Variants in GFRA1 observed in about 807,000 individuals in gnomAD.
The protein encoded by GFRA1 is GDNF family receptor alpha 1.
In GFRA1, 16 loss-of-function variants were observed where a neutral mutation model predicts 51.6. The ratio of observed to expected loss-of-function variants is 0.31; its 90% CI spans 0.21 to 0.47. The LOEUF (loss-of-function observed/expected upper bound fraction) is 0.47. Among genes scored for constraint, GFRA1 ranks in the 20% least tolerant of loss-of-function variants. The pLI is 1.00. For missense variants in GFRA1, 530 were observed against 594.3 expected, an observed-to-expected ratio of 0.89 and a Z score of 1.13; for synonymous variants, 270 against 241.3, an observed-to-expected ratio of 1.12 and a Z score of -1.10.
chr10:116,138,650 AC>A (rs1242743137), intron 5 of GFRA1, among the ~76,000 whole-genome samples: 1 of 39,478 alleles, frequency 2.5e-5, no homozygotes, highest in Non-Finnish European at 5.2e-5. Flanking sequence ...CCCCCGACCC[AC>A]CCAACACACA....
intron 4 of GFRA1, among the ~76,000 whole-genome samples, chr10:116,263,866 A>T (rs1969466205): frequency 6.6e-6 from 1 of 152,174 alleles, no homozygotes; most frequent in African/African-American, 2.4e-5. Flanking sequence ...GGACTTGGTG[A>T]TGGGTCAGGC....
intron 9 of GFRA1, among the ~76,000 whole-genome samples, chr10:116,085,953 C>A (rs566257158): frequency 6.6e-6 from 1 of 152,324 alleles, no homozygotes; most frequent in African/African-American, 2.4e-5. Flanking sequence ...TTCTTTCCTT[C>A]TTCCTCACTG....
chr10:116,204,419 C>G (rs1447863687), intron 5 of GFRA1, among the ~76,000 whole-genome samples: 2 of 152,208 alleles, frequency 1.3e-5, no homozygotes, highest in Non-Finnish European at 2.9e-5. Context: ...AAAGGACACC[C>G]TGGTAGCAAT....
At chr10:116,080,853 A>G (rs866797840) in intron 9 of GFRA1, among the ~76,000 whole-genome samples, 29 of 152,346 alleles carry the variant, frequency 1.9e-4, no homozygotes, top group African/African-American at 6.5e-4. Flanking sequence ...CACGTGGTCA[A>G]TGATTCAATC....
chr10:116,088,388 A>G (rs1460064896), intron 9 of GFRA1, among the ~76,000 whole-genome samples: 1 of 152,168 alleles, frequency 6.6e-6, no homozygotes, highest in Admixed American at 6.5e-5. Flanking sequence ...CTTCTCCAGC[A>G]TAGCGGGAGG....
intron 4 of GFRA1, among the ~76,000 whole-genome samples, chr10:116,260,075 G>C (rs780653475): frequency 1.3e-5 from 2 of 152,202 alleles, no homozygotes; most frequent in East Asian, 1.9e-4. Context: ...GTTCCAAAGG[G>C]AACTGCAGTT....
At chr10:116,182,032 CAT>C (rs1362349061) in intron 5 of GFRA1, among the ~76,000 whole-genome samples, 1 of 146,230 alleles carries the variant, frequency 6.8e-6, no homozygotes, top group African/African-American at 2.5e-5. Flanking sequence ...AAGATGGGCA[CAT>C]GAGTATCTTG....
chr10:116,172,941 C>T (rs1023412066), intron 5 of GFRA1, among the ~76,000 whole-genome samples: 2 of 152,122 alleles, frequency 1.3e-5, no homozygotes, highest in African/African-American at 4.8e-5. Flanking sequence ...GCTGCAGACA[C>T]CCAGAGGTAT....
intron 9 of GFRA1, 76 bp downstream of exon 9, chr10:116,089,665 A>G: frequency 8.1e-7 from 1 of 1,241,928 alleles, no homozygotes; most frequent in East Asian, 2.3e-5. Flanking sequence ...CATACATTTC[A>G]GAAAATGGGT....
At chr10:116,274,422 G>A (rs1320169491), upstream of GFRA1, among the ~76,000 whole-genome samples, 2 of 152,236 alleles carry the variant, frequency 1.3e-5, no homozygotes, top group African/African-American at 2.4e-5. Context: ...CATTTTGATC[G>A]AGGGGGGTAA....
intron 5 of GFRA1, among the ~76,000 whole-genome samples, chr10:116,191,930 G>A (rs1963302977): frequency 6.6e-6 from 1 of 152,210 alleles, no homozygotes; most frequent in Non-Finnish European, 1.5e-5. Flanking sequence ...TGGAGGCTGA[G>A]ACACGAGAAT....
At chr10:116,243,299 AAG>A (rs1387334068) in intron 4 of GFRA1, among the ~76,000 whole-genome samples, 1 of 152,200 alleles carries the variant, frequency 6.6e-6, no homozygotes, top group East Asian at 1.9e-4. Context: ...ATGCCAAAAA[AAG>A]AGTTATCTTT....
chr10:116,127,845 TG>T (rs1957940437), intron 5 of GFRA1, among the ~76,000 whole-genome samples: 1 of 152,262 alleles, frequency 6.6e-6, no homozygotes, highest in Admixed American at 6.5e-5. Context: ...TATGCATTTT[TG>T]ATGATAATCT....
chr10:116,082,807 C>T (rs953246031), intron 9 of GFRA1, among the ~76,000 whole-genome samples: 3 of 152,152 alleles, frequency 2.0e-5, no homozygotes, highest in Admixed American at 6.5e-5. Flanking sequence ...TAAGAAGACA[C>T]AATACAATCT....
At chr10:116,194,049 AAT>A (rs1963512863) in intron 5 of GFRA1, among the ~76,000 whole-genome samples, 1 of 101,298 alleles carries the variant, frequency 9.9e-6, no homozygotes, top group Non-Finnish European at 1.9e-5. Flanking sequence ...AATAAAAAAA[AAT>A]AAATAAATAA....
intron 5 of GFRA1, among the ~76,000 whole-genome samples, chr10:116,210,075 G>A (rs924371834): frequency 6.6e-6 from 1 of 152,124 alleles, no homozygotes; most frequent in African/African-American, 2.4e-5. Flanking sequence ...CTTTTGCTCT[G>A]CATATCATTG....
intron 4 of GFRA1, among the ~76,000 whole-genome samples, chr10:116,234,058 G>A (rs1333294748): frequency 1.3e-5 from 2 of 152,078 alleles, no homozygotes; most frequent in South Asian, 2.1e-4. Flanking sequence ...TTTGGGAGAC[G>A]GCTGAACTGT....
chr10:116,261,741 A>G (rs2134764037), intron 4 of GFRA1, among the ~76,000 whole-genome samples: 1 of 152,350 alleles, frequency 6.6e-6, no homozygotes. Flanking sequence ...ACTATGTAAG[A>G]TTCAATATAC....
At chr10:116,213,919 A>G (rs1161838651) in intron 4 of GFRA1, among the ~76,000 whole-genome samples, 2 of 152,184 alleles carry the variant, frequency 1.3e-5, no homozygotes. Context: ...AGCAAAGCCA[A>G]CTGGGATGTA....
Sources: gnomAD v4.1 joint callset for allele counts (sites outside exome capture counted in the v4.1 genomes callset) on GRCh38, gnomAD v4.1.1 for gene constraint, MANE v1.5 for transcripts, NCBI Gene and HGNC (gene_info 2026-07-23, HGNC 2026-07-21) for gene names.